The following CAMKMT variants were observed in gnomAD, a reference collection of about 807,000 sequenced individuals.
CAMKMT encodes CaM KMT.
CAMKMT carries 53 observed loss-of-function variants against 48.0 expected under a neutral mutation model. The ratio of observed to expected loss-of-function variants is 1.10; its 90% CI spans 0.89 to 1.39. The LOEUF is 1.39. Among genes scored for constraint, CAMKMT ranks in the 40% most tolerant of loss-of-function variants. The probability of loss-of-function intolerance (pLI) is 0.00; values close to 1 mark genes in which losing one functional copy is unlikely to be tolerated. For synonymous variants in CAMKMT, 165 were observed against 152.3 expected, an observed-to-expected ratio of 1.08 and a Z score of -0.61; for missense variants, 428 against 402.7, an observed-to-expected ratio of 1.06 and a Z score of -0.54.
At chr2:44,399,614 A>G (rs1682174116) in intron 3 of CAMKMT, among the ~76,000 whole-genome samples, 1 of 150,592 alleles carries the variant, frequency 6.6e-6, no homozygotes, top group Non-Finnish European at 1.5e-5. Flanking sequence ...TCTTAAATAC[A>G]AAATAATCAA....
chr2:44,610,231 T>G (rs1215707483), intron 3 of CAMKMT, among the ~76,000 whole-genome samples: 5 of 152,194 alleles, frequency 3.3e-5, no homozygotes, highest in African/African-American at 1.2e-4. Flanking sequence ...TGTCTCTTGG[T>G]TCCATGAGAG....
chr2:44,770,007 C>T (rs904619378), intron 10 of CAMKMT, among the ~76,000 whole-genome samples: 3 of 152,092 alleles, frequency 2.0e-5, no homozygotes, highest in Non-Finnish European at 4.4e-5. Context: ...CCTCAAAGAC[C>T]CTGTTTTAAC....
chr2:44,550,029 T>C (rs1308377616), intron 3 of CAMKMT, among the ~76,000 whole-genome samples: 1 of 152,206 alleles, frequency 6.6e-6, no homozygotes, highest in African/African-American at 2.4e-5. Context: ...AAAAGGAATG[T>C]GTGTGTAGTC....
chr2:44,577,398 C>T (rs981884336), intron 3 of CAMKMT, among the ~76,000 whole-genome samples: 3 of 152,048 alleles, frequency 2.0e-5, no homozygotes, highest in East Asian at 1.9e-4. Context: ...GCAGGAAGAT[C>T]GTTTAAGTTT....
chr2:44,592,711 T>C (rs1253820455), intron 3 of CAMKMT, among the ~76,000 whole-genome samples: 1 of 152,232 alleles, frequency 6.6e-6, no homozygotes, highest in Admixed American at 6.5e-5. Flanking sequence ...CTATCTGCGA[T>C]TTCAGGCATC....
chr2:44,701,557 G>A (rs1321342059), intron 3 of CAMKMT, among the ~76,000 whole-genome samples: 1 of 152,096 alleles, frequency 6.6e-6, no homozygotes, highest in Admixed American at 6.6e-5. Context: ...CCATTTCCTA[G>A]TATTTGACCT....
chr2:44,725,198 G>A (rs1010831492), intron 7 of CAMKMT, among the ~76,000 whole-genome samples: 6 of 150,170 alleles, frequency 4.0e-5, no homozygotes, highest in South Asian at 2.1e-4. Flanking sequence ...ATGCATGTGA[G>A]TGCTATATCG....
At chr2:44,396,741 TAAA>T (rs35453105) in intron 3 of CAMKMT, among the ~76,000 whole-genome samples, 2 of 132,348 alleles carry the variant, frequency 1.5e-5, no homozygotes, top group African/African-American at 2.8e-5. Flanking sequence ...ATTACCTTTC[TAAA>T]AAAAAAAAAA....
At chr2:44,724,357 G>A (rs531187317) in intron 7 of CAMKMT, among the ~76,000 whole-genome samples, 1 of 152,294 alleles carries the variant, frequency 6.6e-6, no homozygotes, top group African/African-American at 2.4e-5. Context: ...GATTTTCAAA[G>A]TGGTTCATGA....
intron 3 of CAMKMT, among the ~76,000 whole-genome samples, chr2:44,537,721 G>A (rs190673904): frequency 5.9e-5 from 9 of 152,174 alleles, no homozygotes; most frequent in South Asian, 4.2e-4. Flanking sequence ...GTGCCAACAC[G>A]GTCAGCTAAT....
At chr2:44,593,057 T>G (rs1293512918) in intron 3 of CAMKMT, among the ~76,000 whole-genome samples, 1 of 152,242 alleles carries the variant, frequency 6.6e-6, no homozygotes, top group African/African-American at 2.4e-5. Context: ...TGAGTTTTGT[T>G]TTGTGAAGCA....
At chr2:44,486,693 G>A (rs1389799409) in intron 3 of CAMKMT, among the ~76,000 whole-genome samples, 1 of 152,190 alleles carries the variant, frequency 6.6e-6, no homozygotes, top group African/African-American at 2.4e-5. Context: ...ATGTTGCTCA[G>A]CACAGATACC....
chr2:44,476,069 TAAAG>T (rs1165962347), intron 3 of CAMKMT, among the ~76,000 whole-genome samples: 1 of 152,226 alleles, frequency 6.6e-6, no homozygotes, highest in South Asian at 2.1e-4. Context: ...GCTGACAATT[TAAAG>T]AAAAGACTTC....
At chr2:44,717,754 A>G (rs1678246462) in intron 7 of CAMKMT, among the ~76,000 whole-genome samples, 1 of 151,984 alleles carries the variant, frequency 6.6e-6, no homozygotes, top group Admixed American at 6.6e-5. Context: ...TAACAGCTGA[A>G]TGTCTCTTGT....
chr2:44,745,529 A>G (rs1350019887), intron 8 of CAMKMT, among the ~76,000 whole-genome samples: 1 of 152,226 alleles, frequency 6.6e-6, no homozygotes, highest in Non-Finnish European at 1.5e-5. Context: ...ATAATATTAT[A>G]TGTATACACA....
At chr2:44,496,458 A>G (rs1294565698) in intron 3 of CAMKMT, among the ~76,000 whole-genome samples, 1 of 152,214 alleles carries the variant, frequency 6.6e-6, no homozygotes, top group African/African-American at 2.4e-5. Flanking sequence ...CATTTAATGT[A>G]TATTTCATAG....
rs1394080586 is a variant in CAMKMT at position 44,362,089 on chromosome 2, C to A, written c.82C>A (p.Arg28=). 2 of 1,461,270 alleles carry A rather than the reference C, an allele frequency of 1.4e-6. No individual in the cohort carries two copies. Among genetic ancestry groups the A allele is most frequent in the Non-Finnish European group, 1.8e-6 (2 of 1,117,250 alleles). 90.5% of individuals were successfully genotyped at this position (1,461,270 alleles called of 1,614,324 possible). A position where few individuals can be genotyped will look rare whatever the true frequency, so the allele number is the denominator to read the frequency against. ...GGSPAVGCTT[R]GPVVSAPLGA... is the part of the protein sequence containing the mutation. ...GAGTCCGGCAGTTGGCTGCACCACTCGGGGGCCCGTAGTCTCGGCGCCCCT... is the reference window on the plus strand; with the variant it reads ...GAGTCCGGCAGTTGGCTGCACCACTAGGGGGCCCGTAGTCTCGGCGCCCCT... Residue 28 remains arginine, a synonymous_variant, in exon 1 of 11, where the codon CGG becomes AGG. Coordinates refer to ENST00000378494, the MANE Select transcript of CAMKMT (RefSeq NM_024766.5).
intron 3 of CAMKMT, among the ~76,000 whole-genome samples, chr2:44,581,911 A>AG (rs1365085372): frequency 1.3e-5 from 2 of 152,224 alleles, no homozygotes; most frequent in Non-Finnish European, 2.9e-5. Flanking sequence ...AGGCAGATGA[A>AG]TCGCTTGAAC....
intron 1 of CAMKMT, among the ~76,000 whole-genome samples, chr2:44,363,802 G>T (rs1201222612): frequency 1.4e-5 from 2 of 147,858 alleles, no homozygotes; most frequent in Non-Finnish European, 3.0e-5. Context: ...CAATTCTCCC[G>T]TACTCAGCCT....
Sources: allele counts gnomAD v4.1 joint callset (sites outside exome capture counted in the v4.1 genomes callset), GRCh38; gene constraint gnomAD v4.1.1; transcripts MANE v1.5; gene names NCBI Gene and HGNC (gene_info 2026-07-23, HGNC 2026-07-21).